Variants in IQGAP2 observed in about 807,000 individuals in gnomAD.
IQGAP2 encodes ras GTPase-activating-like protein IQGAP2.
A neutral mutation model predicts 201.3 loss-of-function variants in IQGAP2; 173 were observed. That is an observed-to-expected ratio of 0.86 (90% CI 0.76 to 0.98). The LOEUF is 0.98. IQGAP2 is among the 50% of genes least tolerant of loss of function. IQGAP2 has a pLI of 0.00. For missense variants in IQGAP2, 1,687 were observed against 1,864.8 expected, an observed-to-expected ratio of 0.90 and a Z score of 1.76; for synonymous variants, 675 against 673.9, an observed-to-expected ratio of 1.00 and a Z score of -0.03.
intron 1 of IQGAP2, among the ~76,000 whole-genome samples, chr5:76,447,516 C>T (rs1443535660): frequency 6.6e-6 from 1 of 152,132 alleles, no homozygotes; most frequent in Admixed American, 6.6e-5. Flanking sequence ...GGGGCATAGC[C>T]ACGTCCGTCG....
chr5:76,687,637 A>G (rs7725717), intron 30 of IQGAP2, among the ~76,000 whole-genome samples: 55,202 of 151,922 alleles, frequency 0.36, 10,426 homozygotes, highest in South Asian at 0.41. Flanking sequence ...CCTGAGCTCC[A>G]CCTCCTGTCA....
intron 2 of IQGAP2, among the ~76,000 whole-genome samples, chr5:76,532,552 G>C (rs988846548): frequency 3.2e-4 from 48 of 152,132 alleles, no homozygotes; most frequent in Non-Finnish European, 1.0e-4. Flanking sequence ...CTCCTATCCT[G>C]TAGGCGTGGT....
intron 1 of IQGAP2, among the ~76,000 whole-genome samples, chr5:76,416,860 A>T (rs1370498376): frequency 1.3e-5 from 2 of 151,558 alleles, no homozygotes; most frequent in African/African-American, 4.9e-5. Context: ...CAGGGATCTT[A>T]CTCTATCACC....
At chr5:76,551,503 C>T (rs1217558079) in intron 2 of IQGAP2, among the ~76,000 whole-genome samples, 2 of 147,370 alleles carry the variant, frequency 1.4e-5, no homozygotes, top group Non-Finnish European at 3.0e-5. Flanking sequence ...CCAAGGCAGG[C>T]GGCTGGGAGG....
intron 17 of IQGAP2, among the ~76,000 whole-genome samples, chr5:76,644,593 C>A (rs1459460526): frequency 6.6e-6 from 1 of 152,058 alleles, no homozygotes. Flanking sequence ...AGCCACCACA[C>A]CTGGCCTGTA....
At chr5:76,608,152 T>C (rs1040102056) in intron 12 of IQGAP2, 1 of 152,210 alleles carries the variant, frequency 6.6e-6, no homozygotes, top group Non-Finnish European at 1.5e-5. Context: ...TAGATATTAT[T>C]TTTAAGCAAA....
In IQGAP2 at chr5:76,626,940, G is replaced by A. The variant is rs80079016; in HGVS notation, c.1522-470G>A. Among the ~76,000 whole-genome samples, 436 of 152,290 alleles carry A rather than the reference G, an allele frequency of 2.9e-3. 2 individuals carry two copies. The highest frequency in any genetic ancestry group is 0.01 in the African/African-American group (416 of 41,540). On this transcript the variant is annotated intron_variant, in intron 13 of 35. Coordinates refer to ENST00000274364, the MANE Select transcript of IQGAP2 (RefSeq NM_006633.5). ...AACAGGAAGGGGGAAGTAAACGGGT[G>A]TGAGGTGCAGCCAGAGAGGCAGTAG... is the stretch of plus-strand genomic sequence containing the variant.
chr5:76,531,751 C>G (rs1759306460), intron 2 of IQGAP2, among the ~76,000 whole-genome samples: 1 of 152,082 alleles, frequency 6.6e-6, no homozygotes, highest in South Asian at 2.1e-4. Flanking sequence ...CTCATTTGAC[C>G]CTGTCTCCTC....
In IQGAP2 at chr5:76,695,641, A is replaced by G; in HGVS notation, c.4181A>G (p.Gln1394Arg). 1 of 1,613,952 alleles carries G rather than the reference A, an allele frequency of 6.2e-7. No homozygotes were observed. Among genetic ancestry groups the G allele is most frequent in the Non-Finnish European group, 8.5e-7 (1 of 1,179,880 alleles). The change falls in exon 32 of 36, where the codon CAA becomes CGA. Residue 1394 changes from glutamine to arginine, a missense_variant. By Grantham distance (43) the Gln-to-Arg change is conservative (BLOSUM62 1). Transcript: ENST00000274364. ...TGHVSSENKYQDILNEIAKDI... is the reference protein window; with the variant it reads ...TGHVSSENKYRDILNEIAKDI... ...CACGTGTCATCCGAAAATAAATACC[A>G]AGACATTCTCAATGAGATTGCCAAG...
At chr5:76,631,811 T>G (rs1750729709) in intron 14 of IQGAP2, 48 bp from the exon 15 acceptor site, 2 of 1,372,094 alleles carry the variant, frequency 1.5e-6, no homozygotes, top group South Asian at 1.5e-5. Context: ...TGCCTTGAAG[T>G]AAGTGGAAGA....
intron 2 of IQGAP2, among the ~76,000 whole-genome samples, chr5:76,549,694 G>A (rs1013484208): frequency 1.3e-5 from 2 of 152,256 alleles, no homozygotes; most frequent in Admixed American, 6.5e-5. Flanking sequence ...CGGCTTTGCA[G>A]ATGGCCCTTT....
chr5:76,571,524 G>A (rs77096689), intron 4 of IQGAP2, among the ~76,000 whole-genome samples: 133 of 152,186 alleles, frequency 8.7e-4, no homozygotes, highest in African/African-American at 3.0e-3. Flanking sequence ...ACTTGTAAAG[G>A]CTAGTGGGTT....
intron 30 of IQGAP2, among the ~76,000 whole-genome samples, chr5:76,684,307 T>A (rs1028773402): frequency 6.6e-6 from 1 of 152,218 alleles, no homozygotes; most frequent in Non-Finnish European, 1.5e-5. Context: ...TAAAAACACG[T>A]ACCTACAATA....
intron 1 of IQGAP2, among the ~76,000 whole-genome samples, chr5:76,429,291 G>A (rs1752194530): frequency 6.6e-6 from 1 of 151,092 alleles, no homozygotes; most frequent in Non-Finnish European, 1.5e-5. Context: ...ATCCATGTTA[G>A]GCTGGGCGTG....
At chr5:76,558,007 G>T (rs1422008792) in intron 2 of IQGAP2, among the ~76,000 whole-genome samples, 2 of 152,104 alleles carry the variant, frequency 1.3e-5, no homozygotes, top group Non-Finnish European at 2.9e-5. Context: ...GTTTCACCAT[G>T]TTGGCCAGGG....
At chr5:76,506,245 A>G (rs933303676) in intron 2 of IQGAP2, among the ~76,000 whole-genome samples, 8 of 152,202 alleles carry the variant, frequency 5.3e-5, no homozygotes, top group African/African-American at 1.9e-4. Context: ...TGAGGGCAGG[A>G]CGAAGGACTG....
chr5:76,637,062 C>T lies in IQGAP2; in HGVS notation c.1809C>T (p.Leu603=), dbSNP rs1022686174. The part of the protein sequence containing the change: ...RVSSDGSWLK[L]NLHKKYDYYY... ...CTAGTGACGGTTCATGGCTCAAACTCAACCTGCACAAAAAATATGACTACT... is the reference window on the plus strand; with the variant it reads ...CTAGTGACGGTTCATGGCTCAAACTTAACCTGCACAAAAAATATGACTACT... The change falls in exon 16 of 36, where the codon CTC becomes CTT. Residue 603 remains leucine (L), a synonymous_variant. Coordinates refer to ENST00000274364, the MANE Select transcript of IQGAP2 (RefSeq NM_006633.5). 2.5e-5 allele frequency: 40 copies of T among 1,611,064 alleles called. No individual in the cohort carries two copies. The highest frequency in any genetic ancestry group is 3.2e-5 in the Non-Finnish European group (38 of 1,178,404).
chr5:76,597,572 A>G lies in IQGAP2; in HGVS notation c.1041A>G (p.Glu347=). 1 of 1,613,930 alleles carries G rather than the reference A, an allele frequency of 6.2e-7. No homozygotes were observed. The highest frequency in any genetic ancestry group is 1.1e-5 in the South Asian group (1 of 91,056). ...YPFAAAMYQN[E]LFNLQKQNTM... is the part of the protein sequence containing the mutation. ...TTGCTGCTGCCATGTATCAGAACGA[A>G]CTTTTCAACCTCCAGAAACAGAACA... The change falls in exon 10 of 36, where the codon GAA becomes GAG. Residue 347 remains glutamate, a synonymous_variant. Coordinates refer to ENST00000274364, the MANE Select transcript of IQGAP2 (RefSeq NM_006633.5).
chr5:76,443,079 A>G (rs141440268), intron 1 of IQGAP2, among the ~76,000 whole-genome samples: 1 of 152,338 alleles, frequency 6.6e-6, no homozygotes, highest in East Asian at 1.9e-4. Context: ...GGGACATGCA[A>G]TGGAAGCTTA....
Sources: gnomAD v4.1 joint callset for allele counts (sites outside exome capture counted in the v4.1 genomes callset) on GRCh38, gnomAD v4.1.1 for gene constraint, MANE v1.5 for transcripts, NCBI Gene and HGNC (gene_info 2026-07-23, HGNC 2026-07-21) for gene names.